Variants in GFOD1 observed in about 807,000 individuals in gnomAD.
GFOD1 encodes the protein Gfo/Idh/MocA-like oxidoreductase domain containing 1.
In GFOD1, 9 loss-of-function variants were observed where a neutral mutation model predicts 25.4. That is an observed-to-expected ratio of 0.35 (90% confidence interval 0.21 to 0.62). The LOEUF is 0.62. Among genes scored for constraint, GFOD1 ranks in the 20% least tolerant of loss-of-function variants. The probability of loss-of-function intolerance (pLI) is 0.72; values close to 1 mark genes in which losing one functional copy is unlikely to be tolerated. For synonymous variants in GFOD1, 253 were observed against 245.6 expected (o/e 1.03, Z -0.28); for missense variants, 403 against 556.9 (o/e 0.72, Z 2.78).
chr6:13,481,590 C>T (rs1050555103), intron 1 of GFOD1, among the ~76,000 whole-genome samples: 6 of 127,812 alleles, frequency 4.7e-5, no homozygotes, highest in Non-Finnish European at 1.0e-4. Context: ...CACACACACA[C>T]ACACACACGT....
intron 1 of GFOD1, among the ~76,000 whole-genome samples, chr6:13,409,703 C>T (rs1321061214): frequency 6.6e-6 from 1 of 152,082 alleles, no homozygotes; most frequent in Non-Finnish European, 1.5e-5. Context: ...GGGCAGATCA[C>T]GAGGTTGGGA....
chr6:13,467,241 A>G (rs1758393854), intron 1 of GFOD1, among the ~76,000 whole-genome samples: 1 of 152,218 alleles, frequency 6.6e-6, no homozygotes. Context: ...TTTTAAAGTG[A>G]GTTATTAGAA....
chr6:13,388,601 CA>C (rs1176222459), intron 1 of GFOD1, among the ~76,000 whole-genome samples: 1 of 152,176 alleles, frequency 6.6e-6, no homozygotes, highest in Non-Finnish European at 1.5e-5. Flanking sequence ...ACACCTTATG[CA>C]AAAATTAACT....
At chr6:13,455,293 T>C (rs1368396726) in intron 1 of GFOD1, among the ~76,000 whole-genome samples, 1 of 152,216 alleles carries the variant, frequency 6.6e-6, no homozygotes, top group Non-Finnish European at 1.5e-5. Context: ...TAGAAGTCCC[T>C]ATCACTAAAT....
intron 1 of GFOD1, among the ~76,000 whole-genome samples, chr6:13,461,423 C>T (rs573113553): frequency 4.9e-4 from 74 of 152,344 alleles, no homozygotes; most frequent in Non-Finnish European, 7.8e-4. Flanking sequence ...CTGAAACATG[C>T]TGGGGCTCCC....
chr6:13,472,586 T>C (rs1758533350), intron 1 of GFOD1, among the ~76,000 whole-genome samples: 1 of 152,176 alleles, frequency 6.6e-6, no homozygotes, highest in Non-Finnish European at 1.5e-5. Context: ...CACACCCACA[T>C]AGCACATGGC....
In GFOD1 at chr6:13,388,376, C is replaced by T. The variant is rs1161695922; in HGVS notation, c.254-22714G>A. Reference sequence around the variant, plus strand: ...TGACTTCAAATATACTACAAGTCTACAGTAACCAAAACAGCATGGTATTGG... The same window carrying T: ...TGACTTCAAATATACTACAAGTCTATAGTAACCAAAACAGCATGGTATTGG... On this transcript the variant is annotated intron_variant, in intron 1 of 1. Transcript: ENST00000379287. Among the ~76,000 whole-genome samples the T allele has an allele frequency of 3.3e-5, 5 of 152,200 alleles. No individual in the cohort carries two copies. The East Asian group carries it at 9.6e-4, about 29-fold the overall frequency.
In GFOD1 at chr6:13,365,817, G is replaced by A. The variant is rs537124796; in HGVS notation, c.254-155C>T. On this transcript the variant is annotated intron_variant, in intron 1 of 1. Coordinates refer to ENST00000379287, the MANE Select transcript of GFOD1 (RefSeq NM_018988.4). This position sits in a 1 kb window ranked among gnomAD's most constrained non-coding sequence, Gnocchi z 9.2. ...CCCAGCACTTTGGGAGGCCAAGGCCGGAGGAGGCCTTGAGCCCAGGAGTTG... is the reference window on the plus strand; with the variant it reads ...CCCAGCACTTTGGGAGGCCAAGGCCAGAGGAGGCCTTGAGCCCAGGAGTTG... Among the ~76,000 whole-genome samples, 17 of 151,526 alleles carry A rather than the reference G, an allele frequency of 1.1e-4. No homozygotes were observed. The highest frequency in any genetic ancestry group is 2.9e-4 in the African/African-American group (12 of 41,352).
chr6:13,441,470 G>A (rs1562220155), intron 1 of GFOD1, among the ~76,000 whole-genome samples: 1 of 152,180 alleles, frequency 6.6e-6, no homozygotes, highest in Non-Finnish European at 1.5e-5. Flanking sequence ...GGTTCTGTCC[G>A]ATTTCATACG....
chr6:13,480,793 C>G (rs1417583099), intron 1 of GFOD1, among the ~76,000 whole-genome samples: 1 of 152,180 alleles, frequency 6.6e-6, no homozygotes, highest in African/African-American at 2.4e-5. Context: ...GACCTGGAAT[C>G]TGTTTTTTGA....
rs560908933 is a variant in GFOD1 at position 13,389,090 on chromosome 6, C to T, written c.254-23428G>A. On this transcript the variant is annotated intron_variant, in intron 1 of 1. Transcript: ENST00000379287. ...TACCATCTCACACCAGTTAGAATGGCGATCATTAAAAAGTCAGGAAACAAC... is the reference window on the plus strand; with the variant it reads ...TACCATCTCACACCAGTTAGAATGGTGATCATTAAAAAGTCAGGAAACAAC... Among the ~76,000 whole-genome samples the T allele has an allele frequency of 1.3e-4, 20 of 152,192 alleles. No individual in the cohort carries two copies. The East Asian group carries it at 1.3e-3, about 10-fold the overall frequency.
Position 13,363,443 on chromosome 6 carries a change from A to T in GFOD1, c.*1300T>A, listed in dbSNP as rs942899982. 6.6e-6 allele frequency: 1 copy of T among 152,160 alleles called. No homozygotes were observed. Among genetic ancestry groups the T allele is most frequent in the African/African-American group, 2.4e-5 (1 of 41,432 alleles). The allele number at this position is 152,160 out of a possible 1,614,324, so 9.4% of individuals were successfully genotyped here. ...AGGGGTTCTAAACCCCCATTTTAGA[A>T]ACACTAGAAATAATGTTCCTTGTTG... is the stretch of plus-strand genomic sequence containing the variant. On this transcript the variant is annotated 3_prime_UTR_variant, in exon 2 of 2. Transcript: ENST00000379287.
rs192345277 is a variant in GFOD1 at position 13,480,305 on chromosome 6, A to G, written c.253+6333T>C. On this transcript the variant is annotated intron_variant, in intron 1 of 1. Transcript: ENST00000379287. ...GAGTCTGCACTGCTGTCTCAAAAAC[A>G]GAGATCATGAAAACAGATGTCATCA... 1.4e-3 allele frequency among the ~76,000 whole-genome samples: 211 copies of G among 152,338 alleles called. 1 individual carries two copies. Among genetic ancestry groups the G allele is most frequent in the African/African-American group, 4.7e-3 (195 of 41,568 alleles).
At chr6:13,432,228 CTTT>C (rs537723348) in intron 1 of GFOD1, among the ~76,000 whole-genome samples, 3 of 141,390 alleles carry the variant, frequency 2.1e-5, no homozygotes, top group Non-Finnish European at 3.1e-5. Flanking sequence ...CTTTTCTTTT[CTTT>C]TTTTTTTTTT....
intron 1 of GFOD1, among the ~76,000 whole-genome samples, chr6:13,432,522 C>T (rs979986404): frequency 2.0e-5 from 3 of 152,004 alleles, no homozygotes; most frequent in Non-Finnish European, 4.4e-5. Context: ...GTATTCTAAA[C>T]AGACAAGAAC....
Position 13,375,673 on chromosome 6 carries a change from T to C in GFOD1, c.254-10011A>G, listed in dbSNP as rs75725271. ...ATTAATTGCTCAAGTGCTTTCTACA[T>C]TCAACCCGCCCATAAGGCCAAGCCC... is the stretch of plus-strand genomic sequence containing the variant. On this transcript the variant is annotated intron_variant, in intron 1 of 1. Coordinates refer to ENST00000379287, the MANE Select transcript of GFOD1 (RefSeq NM_018988.4). Among the ~76,000 whole-genome samples, 1,465 of 152,246 alleles carry C rather than the reference T, an allele frequency of 9.6e-3. 26 individuals carry two copies. Among genetic ancestry groups the C allele is most frequent in the African/African-American group, 0.033 (1,391 of 41,540 alleles).
At chr6:13,435,727 T>C (rs1584650426) in intron 1 of GFOD1, among the ~76,000 whole-genome samples, 1 of 152,224 alleles carries the variant, frequency 6.6e-6, no homozygotes, top group African/African-American at 2.4e-5. Flanking sequence ...GTGCACAAAG[T>C]GTGGGCCCTA....
Position 13,363,555 on chromosome 6 carries a change from C to CTTTTTT in GFOD1, c.*1182_*1187dup, listed in dbSNP as rs72062296. On this transcript the variant is annotated 3_prime_UTR_variant, in exon 2 of 2. Transcript: ENST00000379287. ...GCAAATGCTGGAGCTAAGGAAAATC[C>CTTTTTT]TTTTTTTTTTTTTTTTTTTTTTTTT... The CTTTTTT allele has an allele frequency of 1.3e-4, 10 of 78,970 alleles. 1 individual carries two copies. Among genetic ancestry groups the CTTTTTT allele is most frequent in the African/African-American group, 3.3e-4 (7 of 21,198 alleles). 4.9% of individuals were successfully genotyped at this position (78,970 alleles called of 1,614,324 possible).
At chr6:13,371,512 A>G (rs536552966) in intron 1 of GFOD1, among the ~76,000 whole-genome samples, 1 of 152,360 alleles carries the variant, frequency 6.6e-6, no homozygotes, top group African/African-American at 2.4e-5. Flanking sequence ...TTGGGACTTC[A>G]AACAATTTCA....
Sources: gnomAD v4.1 joint callset for allele counts (sites outside exome capture counted in the v4.1 genomes callset) on GRCh38, gnomAD v4.1.1 for gene constraint, Gnocchi (gnomAD v3.1) non-coding constraint, MANE v1.5 for transcripts, NCBI Gene and HGNC (gene_info 2026-07-23, HGNC 2026-07-21) for gene names.